Variants in MACROD2 observed in about 807,000 individuals in gnomAD.
MACROD2 encodes mono-ADP ribosylhydrolase 2.
A neutral mutation model predicts 70.4 loss-of-function variants in MACROD2; 36 were observed. The ratio of observed to expected loss-of-function variants is 0.51; its 90% CI spans 0.39 to 0.68. MACROD2 has a LOEUF of 0.68. Among genes scored for constraint, MACROD2 ranks in the 30% least tolerant of loss-of-function variants. The probability of loss-of-function intolerance (pLI) is 0.00; values close to 1 mark genes in which losing one functional copy is unlikely to be tolerated. For missense variants in MACROD2, 496 were observed against 538.4 expected, an observed-to-expected ratio of 0.92 and a Z score of 0.78; for synonymous variants, 172 against 178.8, an observed-to-expected ratio of 0.96 and a Z score of 0.30.
chr20:14,100,193 A>G (rs1216702656), intron 3 of MACROD2, among the ~76,000 whole-genome samples: 2 of 152,012 alleles, frequency 1.3e-5, no homozygotes, highest in Non-Finnish European at 2.9e-5. Flanking sequence ...TTTTGGAATG[A>G]TATTCTCAAA....
intron 3 of MACROD2, among the ~76,000 whole-genome samples, chr20:14,090,228 A>T (rs757920639): frequency 2.0e-5 from 3 of 152,186 alleles, no homozygotes; most frequent in Non-Finnish European, 4.4e-5. Context: ...GAATAGATTC[A>T]TGTGACCACC....
intron 8 of MACROD2, among the ~76,000 whole-genome samples, chr20:15,830,499 A>G (rs1334951901): frequency 6.6e-6 from 1 of 152,356 alleles, no homozygotes; most frequent in African/African-American, 2.4e-5. Context: ...ACTAAATCCC[A>G]TAGGTCAAGT....
intron 4 of MACROD2, among the ~76,000 whole-genome samples, chr20:14,565,374 G>T (rs1370630562): frequency 6.6e-6 from 1 of 151,376 alleles, no homozygotes; most frequent in Admixed American, 6.6e-5. Context: ...TTTTTAAAAC[G>T]TAACACTTTC....
chr20:15,254,782 G>A (rs1218828761), intron 6 of MACROD2, among the ~76,000 whole-genome samples: 2 of 152,010 alleles, frequency 1.3e-5, no homozygotes, highest in African/African-American at 4.8e-5. Context: ...GCAGTTAAAT[G>A]ACTTCCTTGG....
Position 14,095,192 on chromosome 20 carries a change from C to T in MACROD2, c.271+9464C>T, listed in dbSNP as rs542685580. 4.6e-5 allele frequency among the ~76,000 whole-genome samples: 7 copies of T among 151,958 alleles called. No individual in the cohort carries two copies. In the South Asian group the frequency reaches 8.3e-4, roughly 18 times the overall value. On this transcript the variant is annotated intron_variant, in intron 3 of 17. Transcript: ENST00000684519. ...ATATCAGTTCACTTATGAAGGCCAC[C>T]GAAATGATTTGGATACATTTGCTTA...
intron 6 of MACROD2, among the ~76,000 whole-genome samples, chr20:15,298,100 G>A (rs923752450): frequency 7.2e-5 from 11 of 152,138 alleles, no homozygotes; most frequent in Admixed American, 6.5e-4. Flanking sequence ...TGAGAACTGG[G>A]CTTTGGAATC....
intron 10 of MACROD2, among the ~76,000 whole-genome samples, chr20:15,923,530 G>A (rs1315158578): frequency 2.0e-5 from 3 of 152,236 alleles, no homozygotes; most frequent in African/African-American, 4.8e-5. Context: ...AAAGAGTGTG[G>A]CCACACTCAT....
At chr20:14,257,177 A>G (rs2082063417) in intron 3 of MACROD2, among the ~76,000 whole-genome samples, 1 of 152,192 alleles carries the variant, frequency 6.6e-6, no homozygotes, top group Admixed American at 6.5e-5. Flanking sequence ...AGACTTGTTA[A>G]TGTAAACCTC....
intron 3 of MACROD2, among the ~76,000 whole-genome samples, chr20:14,164,081 T>G (rs2148719528): frequency 6.6e-6 from 1 of 152,310 alleles, no homozygotes; most frequent in African/African-American, 2.4e-5. Flanking sequence ...CTTTCAACTT[T>G]TTTGAGTTTG....
At chr20:14,684,646 T>TCAC (rs2070977217) in intron 4 of MACROD2, among the ~76,000 whole-genome samples, 197 bp from the exon 5 acceptor site, 2 of 46,150 alleles carry the variant, frequency 4.3e-5, no homozygotes, top group Non-Finnish European at 3.9e-5. Flanking sequence ...CCACATAACC[T>TCAC]CACCCCCCCC....
intron 3 of MACROD2, among the ~76,000 whole-genome samples, chr20:14,136,142 A>G (rs2054793627): frequency 1.3e-5 from 2 of 152,348 alleles, no homozygotes; most frequent in South Asian, 4.1e-4. Context: ...AGGTCTCAGG[A>G]TACAAGATTA....
Position 14,846,667 on chromosome 20 carries a change from G to A in MACROD2, c.418+161708G>A, listed in dbSNP as rs149173334. Among the ~76,000 whole-genome samples, 794 of 151,862 alleles carry A rather than the reference G, an allele frequency of 5.2e-3. 12 individuals are homozygous for A. Among genetic ancestry groups the A allele is most frequent in the African/African-American group, 0.018 (740 of 41,420 alleles). ...TGAGTAGCTGGGACCACAGGCGCCCGCCACCACGCCTGGCTAATTTTTTAT... is the reference window on the plus strand; with the variant it reads ...TGAGTAGCTGGGACCACAGGCGCCCACCACCACGCCTGGCTAATTTTTTAT... On this transcript the variant is annotated intron_variant, in intron 5 of 17. Transcript: ENST00000684519.
chr20:14,801,114 C>G (rs1600676505), intron 5 of MACROD2, among the ~76,000 whole-genome samples: 1 of 152,156 alleles, frequency 6.6e-6, no homozygotes, highest in Admixed American at 6.5e-5. Context: ...CACAAGTCTG[C>G]TTAATTTAAA....
chr20:14,821,715 TC>T (rs1304812766), intron 5 of MACROD2, among the ~76,000 whole-genome samples: 2 of 152,108 alleles, frequency 1.3e-5, no homozygotes, highest in African/African-American at 4.8e-5. Context: ...TCAGATGGCT[TC>T]ATTTTACACT....
intron 5 of MACROD2, among the ~76,000 whole-genome samples, chr20:15,037,554 C>T (rs148244512): frequency 2.0e-5 from 3 of 152,252 alleles, no homozygotes; most frequent in Admixed American, 2.0e-4. Context: ...AATGTGCTGG[C>T]ATTTTAGTCA....
intron 5 of MACROD2, among the ~76,000 whole-genome samples, chr20:14,819,752 G>T (rs1452469818): frequency 6.6e-6 from 1 of 152,076 alleles, no homozygotes; most frequent in African/African-American, 2.4e-5. Flanking sequence ...CAGGGGAGCG[G>T]AAAGGAGAGA....
intron 8 of MACROD2, among the ~76,000 whole-genome samples, chr20:15,714,939 G>A (rs551944980): frequency 2.9e-4 from 44 of 152,042 alleles, no homozygotes; most frequent in Non-Finnish European, 3.7e-4. Context: ...AAATACTCAC[G>A]AATTTTAAAG....
In MACROD2 at chr20:14,092,669, T is replaced by C. The variant is rs79088350; in HGVS notation, c.271+6941T>C. ...TGATTGGGCAAATTATTCAACCCTTTAATCCTCACTTTTGAAATCTATAAA... is the reference window on the plus strand; with the variant it reads ...TGATTGGGCAAATTATTCAACCCTTCAATCCTCACTTTTGAAATCTATAAA... On this transcript the variant is annotated intron_variant, in intron 3 of 17. Transcript: ENST00000684519. Among the ~76,000 whole-genome samples the C allele has an allele frequency of 2.6e-3, 397 of 152,322 alleles. 4 individuals carry two copies. Among genetic ancestry groups the C allele is most frequent in the African/African-American group, 9.3e-3 (386 of 41,578 alleles).
At chr20:14,313,614 G>A (rs1217661247) in intron 3 of MACROD2, among the ~76,000 whole-genome samples, 2 of 152,136 alleles carry the variant, frequency 1.3e-5, no homozygotes, top group African/African-American at 4.8e-5. Flanking sequence ...CTTCTTCTAG[G>A]TAAGACTATT....
Sources: allele counts gnomAD v4.1 joint callset (sites outside exome capture counted in the v4.1 genomes callset), GRCh38; gene constraint gnomAD v4.1.1; transcripts MANE v1.5; gene names NCBI Gene and HGNC (gene_info 2026-07-23, HGNC 2026-07-21).